Variants in PRKN observed in about 807,000 individuals in gnomAD.
PRKN encodes the protein E3 ubiquitin-protein ligase parkin.
In PRKN, 56 loss-of-function variants were observed where a neutral mutation model predicts 59.5. The ratio of observed to expected loss-of-function variants is 0.94; its 90% CI spans 0.76 to 1.18. The LOEUF is 1.18. PRKN is among the 50% of genes most tolerant of loss of function. The probability of loss-of-function intolerance (pLI) is 0.00; values close to 1 mark genes in which losing one functional copy is unlikely to be tolerated. For missense variants in PRKN, 657 were observed against 596.4 expected (o/e 1.10, Z -1.06); for synonymous variants, 250 against 222.1 (o/e 1.13, Z -1.12).
intron 5 of PRKN, among the ~76,000 whole-genome samples, chr6:161,977,798 T>G (rs539617186): frequency 6.6e-6 from 1 of 151,694 alleles, no homozygotes; most frequent in Non-Finnish European, 1.5e-5. Context: ...CTGCCCACCT[T>G]GGCCTCCCAA....
At chr6:161,899,710 T>G (rs1777810043) in intron 6 of PRKN, among the ~76,000 whole-genome samples, 1 of 152,226 alleles carries the variant, frequency 6.6e-6, no homozygotes, top group Non-Finnish European at 1.5e-5. Flanking sequence ...CTGTCCTTTT[T>G]TCTAACCAAT....
Position 162,278,500 on chromosome 6 carries a change from G to C in PRKN, c.172-15735C>G, listed in dbSNP as rs569295257. ...CTGCAAAAAATGTACCGCTCTGGTG[G>C]GGGATGTTGATAATGGAGAGGGTAT... is the stretch of plus-strand genomic sequence containing the variant. On this transcript the variant is annotated intron_variant, in intron 2 of 11. Transcript: ENST00000366898. Among the ~76,000 whole-genome samples, 3 of 152,192 alleles carry C rather than the reference G, an allele frequency of 2.0e-5. No homozygotes were observed. In the East Asian group the frequency reaches 5.8e-4, roughly 29 times the overall value.
chr6:161,898,136 CT>C (rs1777730075), intron 6 of PRKN, among the ~76,000 whole-genome samples: 1 of 151,960 alleles, frequency 6.6e-6, no homozygotes, highest in Admixed American at 6.6e-5. Context: ...ATAATTGATA[CT>C]TGTAATTGAT....
At chr6:161,652,893 A>C (rs1456421449) in intron 7 of PRKN, among the ~76,000 whole-genome samples, 2 of 152,234 alleles carry the variant, frequency 1.3e-5, no homozygotes, top group African/African-American at 4.8e-5. Context: ...TTTAATACCA[A>C]TTCAACATAG....
At chr6:162,478,029 C>T (rs1055404777) in intron 1 of PRKN, among the ~76,000 whole-genome samples, 3 of 152,056 alleles carry the variant, frequency 2.0e-5, no homozygotes, top group African/African-American at 7.2e-5. Flanking sequence ...GGTCCTAGAG[C>T]GCAGAGTCCT....
chr6:162,321,715 C>A (rs1298060323), intron 2 of PRKN, among the ~76,000 whole-genome samples: 4 of 151,878 alleles, frequency 2.6e-5, no homozygotes, highest in Non-Finnish European at 5.9e-5. Context: ...CTTTGAAAAT[C>A]AAACATAATT....
At chr6:161,630,304 C>T (rs952243586) in intron 7 of PRKN, among the ~76,000 whole-genome samples, 1 of 152,030 alleles carries the variant, frequency 6.6e-6, no homozygotes, top group Non-Finnish European at 1.5e-5. Flanking sequence ...AAAACGTGGC[C>T]AATCAGCGCA....
At chr6:161,794,439 C>T (rs975427126) in intron 6 of PRKN, among the ~76,000 whole-genome samples, 1 of 152,038 alleles carries the variant, frequency 6.6e-6, no homozygotes, top group African/African-American at 2.4e-5. Flanking sequence ...TGTCTCCATC[C>T]CCTCTTCCCT....
At chr6:162,341,389 C>T (rs1784171075) in intron 2 of PRKN, among the ~76,000 whole-genome samples, 1 of 152,136 alleles carries the variant, frequency 6.6e-6, no homozygotes, top group African/African-American at 2.4e-5. Flanking sequence ...CCATTTGACC[C>T]AGCAATCCCA....
intron 6 of PRKN, among the ~76,000 whole-genome samples, chr6:161,791,612 C>T (rs929778567): frequency 8.5e-5 from 13 of 152,078 alleles, no homozygotes; most frequent in African/African-American, 1.2e-4. Flanking sequence ...TGACATATAT[C>T]GAAAGCAATG....
At chr6:161,517,609 G>A (rs1046789520) in intron 9 of PRKN, among the ~76,000 whole-genome samples, 7 of 151,724 alleles carry the variant, frequency 4.6e-5, no homozygotes, top group African/African-American at 7.3e-5. Flanking sequence ...GCATGGTGGC[G>A]GTCGCCTGTA....
chr6:161,671,512 T>C (rs1205650396), intron 7 of PRKN, among the ~76,000 whole-genome samples: 3 of 152,178 alleles, frequency 2.0e-5, no homozygotes, highest in Admixed American at 1.3e-4. Context: ...TTAAGTGTGA[T>C]GCTGGATGGA....
chr6:161,449,421 C>T (rs949321441), intron 9 of PRKN, among the ~76,000 whole-genome samples: 2 of 152,168 alleles, frequency 1.3e-5, no homozygotes, highest in South Asian at 2.1e-4. Flanking sequence ...TCTCCCACTG[C>T]TCATCGTGGG....
Position 161,959,957 on chromosome 6 carries a change from G to A in PRKN, c.734+13345C>T, listed in dbSNP as rs180981911. Among the ~76,000 whole-genome samples the A allele has an allele frequency of 6.6e-5, 10 of 152,268 alleles. No homozygotes were observed. In the East Asian group the frequency reaches 1.7e-3, roughly 26 times the overall value. On this transcript the variant is annotated intron_variant, in intron 6 of 11. Transcript: ENST00000366898. Reference sequence around the variant, plus strand: ...AGCTGTTCTTATGACCTCCATCCTGGAGTCATCTGCTTTCTGTGTTACAAC... The same window carrying A: ...AGCTGTTCTTATGACCTCCATCCTGAAGTCATCTGCTTTCTGTGTTACAAC...
intron 5 of PRKN, among the ~76,000 whole-genome samples, chr6:162,000,362 A>C (rs778815310): frequency 1.3e-5 from 2 of 151,920 alleles, no homozygotes; most frequent in Non-Finnish European, 2.9e-5. Context: ...CTGGTATCTC[A>C]TTGTTTGTTT....
At chr6:162,235,979 A>AAGAAAGAAAGAAAGAAAG (rs1562602496) in intron 3 of PRKN, among the ~76,000 whole-genome samples, 3 of 117,506 alleles carry the variant, frequency 2.6e-5, no homozygotes, top group African/African-American at 1.1e-4. Flanking sequence ...GAAAGAAAGA[A>AAGAAAGAAAGAAAGAAAG]AGAAAGAAAG....
At chr6:162,501,945 G>A (rs1401083850) in intron 1 of PRKN, among the ~76,000 whole-genome samples, 4 of 151,978 alleles carry the variant, frequency 2.6e-5, no homozygotes, top group Non-Finnish European at 5.9e-5. Context: ...GATGTAATGT[G>A]GGAAAAAGAC....
At chr6:161,801,936 G>A (rs1036221898) in intron 6 of PRKN, among the ~76,000 whole-genome samples, 2 of 152,164 alleles carry the variant, frequency 1.3e-5, no homozygotes, top group African/African-American at 4.8e-5. Context: ...TAATGGTTGT[G>A]CTGAGGGTTA....
At chr6:161,868,232 C>A (rs933511832) in intron 6 of PRKN, among the ~76,000 whole-genome samples, 1 of 151,284 alleles carries the variant, frequency 6.6e-6, no homozygotes, top group East Asian at 1.9e-4. Context: ...GTATAGTATA[C>A]ACAATTATAA....
Sources: allele counts gnomAD v4.1 joint callset (sites outside exome capture counted in the v4.1 genomes callset), GRCh38; gene constraint gnomAD v4.1.1; transcripts MANE v1.5; gene names NCBI Gene and HGNC (gene_info 2026-07-23, HGNC 2026-07-21).